GMDS: variants seen among roughly 807,000 people sequenced by gnomAD.
GMDS encodes GDP-mannose 4,6-dehydratase, also known as GDP-mannose 4,6 dehydratase.
A neutral mutation model predicts 49.9 loss-of-function variants in GMDS; 20 were observed. That is an observed-to-expected ratio of 0.40 (90% CI 0.28 to 0.58). GMDS has a LOEUF of 0.58. Ranked by LOEUF, GMDS falls within the 20% of genes least tolerant of loss-of-function variation. GMDS has a pLI of 0.42. For missense variants in GMDS, 362 were observed against 481.4 expected, an observed-to-expected ratio of 0.75 and a Z score of 2.32; for synonymous variants, 177 against 178.6, an observed-to-expected ratio of 0.99 and a Z score of 0.07.
At position 1,913,041 on chromosome 6, in the gene GMDS, G is replaced by A. The variant is rs111542664; in HGVS notation, c.771+17062C>T. Among the ~76,000 whole-genome samples, 447 of 152,236 alleles carry A rather than the reference G, an allele frequency of 2.9e-3. 1 individual carries two copies. The highest frequency in any genetic ancestry group is 4.7e-3 in the Non-Finnish European group (318 of 68,020). On this transcript the variant is annotated intron_variant, in intron 7 of 10. Coordinates refer to ENST00000380815, the MANE Select transcript of GMDS (RefSeq NM_001500.4). ...TTTATTGTTAACTTGCTCATTTATT[G>A]TTATTTGATCAAGAAAACTAGTTAT...
chr6:1,897,260 C>T (rs1760247960), intron 7 of GMDS, among the ~76,000 whole-genome samples: 1 of 152,202 alleles, frequency 6.6e-6, no homozygotes, highest in South Asian at 2.1e-4. Flanking sequence ...GGGTCTCTTC[C>T]TCTTCTCATG....
At chr6:1,851,481 C>A (rs1226684762) in intron 7 of GMDS, among the ~76,000 whole-genome samples, 1 of 152,050 alleles carries the variant, frequency 6.6e-6, no homozygotes, top group African/African-American at 2.4e-5. Flanking sequence ...AAAGTTAGGA[C>A]CTTCGGGGCA....
At chr6:2,052,169 T>C (rs1267717344) in intron 4 of GMDS, among the ~76,000 whole-genome samples, 1 of 145,446 alleles carries the variant, frequency 6.9e-6, no homozygotes, top group African/African-American at 2.5e-5. Flanking sequence ...GGCTAAAATC[T>C]CCTGCTATGT....
intron 7 of GMDS, among the ~76,000 whole-genome samples, chr6:1,870,975 G>A (rs988890152): frequency 9.2e-5 from 14 of 152,082 alleles, no homozygotes; most frequent in African/African-American, 2.7e-4. Context: ...GAAACAAATC[G>A]AGGTTTGGGT....
chr6:2,018,322 G>T (rs1768034110), intron 4 of GMDS, among the ~76,000 whole-genome samples: 1 of 152,262 alleles, frequency 6.6e-6, no homozygotes, highest in African/African-American at 2.4e-5. Context: ...CTAGACAGTG[G>T]TTTTGTTGAG....
chr6:2,198,112 C>T (rs1301565477), intron 1 of GMDS, among the ~76,000 whole-genome samples: 1 of 152,148 alleles, frequency 6.6e-6, no homozygotes, highest in Non-Finnish European at 1.5e-5. Context: ...GTGAAATTTA[C>T]TAAAATAAGC....
At chr6:1,695,746 C>T (rs967816155) in intron 9 of GMDS, among the ~76,000 whole-genome samples, 2 of 152,094 alleles carry the variant, frequency 1.3e-5, no homozygotes, top group South Asian at 2.1e-4. Flanking sequence ...GTCCTGGCAC[C>T]GCCTCTTCAG....
intron 9 of GMDS, among the ~76,000 whole-genome samples, chr6:1,705,753 A>G (rs984203588): frequency 3.9e-5 from 6 of 152,194 alleles, no homozygotes; most frequent in African/African-American, 9.7e-5. Context: ...AGGACTTTCC[A>G]GAGGAAGTTC....
chr6:2,072,324 C>T (rs546669765), intron 4 of GMDS, among the ~76,000 whole-genome samples: 1 of 152,184 alleles, frequency 6.6e-6, no homozygotes, highest in Non-Finnish European at 1.5e-5. Flanking sequence ...AAGGTTCCAA[C>T]AGTTACTCCT....
chr6:2,239,123 G>A (rs1409192085), intron 1 of GMDS, among the ~76,000 whole-genome samples: 1 of 152,148 alleles, frequency 6.6e-6, no homozygotes. Flanking sequence ...GAGGCCAAGA[G>A]TTCAAGACCA....
intron 7 of GMDS, among the ~76,000 whole-genome samples, chr6:1,758,961 C>T (rs1006223609): frequency 2.6e-5 from 4 of 152,136 alleles, no homozygotes; most frequent in South Asian, 2.1e-4. Flanking sequence ...CTCACTGTGT[C>T]GCCCAGGCTG....
chr6:1,807,899 C>T (rs1044366235), intron 7 of GMDS, among the ~76,000 whole-genome samples: 11 of 152,092 alleles, frequency 7.2e-5, no homozygotes, highest in Admixed American at 5.9e-4. Flanking sequence ...AACTGGACTT[C>T]ATGACAGATA....
At chr6:2,233,883 G>C (rs1056367888) in intron 1 of GMDS, among the ~76,000 whole-genome samples, 2 of 152,142 alleles carry the variant, frequency 1.3e-5, no homozygotes, top group Non-Finnish European at 2.9e-5. Context: ...ACAGTTTGTC[G>C]ATCCTGCTCT....
intron 7 of GMDS, among the ~76,000 whole-genome samples, chr6:1,870,541 C>T (rs762226969): frequency 1.8e-4 from 28 of 152,246 alleles, no homozygotes; most frequent in Middle Eastern, 6.8e-3. Flanking sequence ...CTTGTGATTT[C>T]GGATGCCTCA....
At chr6:1,631,852 T>C (rs529590590) in intron 9 of GMDS, among the ~76,000 whole-genome samples, 1 of 152,316 alleles carries the variant, frequency 6.6e-6, no homozygotes, top group East Asian at 1.9e-4. Flanking sequence ...CTGGGGACTT[T>C]TATATTGGAG....
At chr6:2,215,934 G>A (rs573566656) in intron 1 of GMDS, among the ~76,000 whole-genome samples, 23 of 152,098 alleles carry the variant, frequency 1.5e-4, no homozygotes, top group Non-Finnish European at 2.6e-4. Context: ...AAATACAGCT[G>A]AAATCATATA....
At chr6:2,002,121 A>G (rs751133232) in intron 4 of GMDS, among the ~76,000 whole-genome samples, 24 of 152,330 alleles carry the variant, frequency 1.6e-4, no homozygotes, top group Non-Finnish European at 2.8e-4. Context: ...TCTTGAAGGG[A>G]AAATTGGATT....
At chr6:1,993,737 T>C (rs978772210) in intron 4 of GMDS, among the ~76,000 whole-genome samples, 11 of 145,410 alleles carry the variant, frequency 7.6e-5, no homozygotes, top group Admixed American at 2.1e-4. Flanking sequence ...ACTCCTTCTC[T>C]AAAAAAAAAA....
chr6:2,019,301 T>C lies in GMDS; in HGVS notation c.346-58335A>G, dbSNP rs77053341. ...AATGTGGATGTCTTTTGTTTCTTTT[T>C]CTTGCCTAACTGCTCTAGCTCCAGC... On this transcript the variant is annotated intron_variant, in intron 4 of 10. Transcript: ENST00000380815. Among the ~76,000 whole-genome samples, 429 of 152,046 alleles carry C rather than the reference T, an allele frequency of 2.8e-3. 3 individuals are homozygous for C. The highest frequency in any genetic ancestry group is 1.0e-2 in the African/African-American group (414 of 41,464).
Sources: allele counts gnomAD v4.1 joint callset (sites outside exome capture counted in the v4.1 genomes callset), GRCh38; gene constraint gnomAD v4.1.1; transcripts MANE v1.5; gene names NCBI Gene and HGNC (gene_info 2026-07-23, HGNC 2026-07-21).